The following CBLN2 variants were observed in gnomAD, a reference collection of about 807,000 sequenced individuals.
CBLN2 encodes cerebellin-2.
A neutral mutation model predicts 15.0 loss-of-function variants in CBLN2; 7 were observed. The ratio of observed to expected loss-of-function variants is 0.47; its 90% CI spans 0.27 to 0.88. The LOEUF (loss-of-function observed/expected upper bound fraction) is 0.88, where lower values mean the gene tolerates loss of function less well. CBLN2 is among the 40% of genes least tolerant of loss of function. The pLI is 0.14. For missense variants in CBLN2, 242 were observed against 304.5 expected (o/e 0.79, Z 1.53); for synonymous variants, 149 against 135.2 (o/e 1.10, Z -0.71).
chr18:72,623,242 CA>C (rs1350873815), intron 1 of CBLN2, among the ~76,000 whole-genome samples: 15 of 152,146 alleles, frequency 9.9e-5, no homozygotes, highest in African/African-American at 3.6e-4. Context: ...TACAATTTGA[CA>C]TGAGACTTGG....
At chr18:72,578,571 G>T (rs2144915434) in intron 1 of CBLN2, among the ~76,000 whole-genome samples, 1 of 152,246 alleles carries the variant, frequency 6.6e-6, no homozygotes, top group African/African-American at 2.4e-5. Context: ...GTATGCTTAT[G>T]AAGTTTTGTT....
At chr18:72,577,696 T>C (rs766028493) in intron 1 of CBLN2, among the ~76,000 whole-genome samples, 4 of 152,226 alleles carry the variant, frequency 2.6e-5, no homozygotes, top group Non-Finnish European at 5.9e-5. Context: ...TTGGTGTCCT[T>C]TTATTTCTAA....
chr18:72,541,825 G>A lies in CBLN2; in HGVS notation c.336C>T (p.Thr112=). The part of the protein sequence containing the change: ...NHEPSEMSNR[T]MTIYFDQVLV... ...TGACCTGGTCGAAATAGATGGTCATGGTGCGGTTGCTCATCTCGGACGGCT... is the reference window on the plus strand; with the variant it reads ...TGACCTGGTCGAAATAGATGGTCATAGTGCGGTTGCTCATCTCGGACGGCT... The change falls in exon 3 of 5, where the codon ACC becomes ACT. Residue 112 remains threonine (T), a synonymous_variant. Transcript: ENST00000269503. The A allele has an allele frequency of 1.3e-6, 2 of 1,583,846 alleles. No individual in the cohort carries two copies. Among genetic ancestry groups the A allele is most frequent in the Non-Finnish European group, 1.7e-6 (2 of 1,167,812 alleles).
At chr18:72,567,564 G>C (rs1043729659) in intron 1 of CBLN2, among the ~76,000 whole-genome samples, 1 of 152,196 alleles carries the variant, frequency 6.6e-6, no homozygotes, top group Admixed American at 6.5e-5. Flanking sequence ...TAAAGATACA[G>C]AATATGGAGA....
chr18:72,620,378 C>T (rs1175615472), intron 1 of CBLN2: 32 of 152,280 alleles, frequency 2.1e-4, no homozygotes, highest in Non-Finnish European at 7.3e-5. Context: ...GAAAAAGTGG[C>T]TCTCAGCAGG....
At chr18:72,549,210 C>G (rs1322227211), upstream of CBLN2, among the ~76,000 whole-genome samples, 1 of 152,018 alleles carries the variant, frequency 6.6e-6, no homozygotes, top group Non-Finnish European at 1.5e-5. Context: ...AGGGGTTTCA[C>G]CATGTTGGCC....
chr18:72,538,270 C>T lies in CBLN2; in HGVS notation c.581G>A (p.Arg194Lys). ...AAGTTTGAGATGCACTTTGTCTTCC[C>T]TTTCCATGAGCAGCAGCACGCCATT... Reference protein sequence around the residue: ...ASNGVLLLMEREDKVHLKLER... With the variant: ...ASNGVLLLMEKEDKVHLKLER... The change falls in exon 5 of 5, where the codon AGG becomes AAG. Residue 194 changes from arginine to lysine, a missense_variant. Around this residue, in one of 4 missense-constraint regions of CBLN2, gnomAD observed 31 missense variants for 36.3 expected, o/e 0.86. Transcript: ENST00000269503. 2.5e-6 allele frequency: 4 copies of T among 1,614,144 alleles called. No homozygotes were observed. Among genetic ancestry groups the T allele is most frequent in the African/African-American group, 1.3e-5 (1 of 75,016 alleles).
At chr18:72,568,219 C>T (rs1197808589) in intron 1 of CBLN2, among the ~76,000 whole-genome samples, 2 of 152,136 alleles carry the variant, frequency 1.3e-5, no homozygotes, top group East Asian at 3.9e-4. Context: ...AGGGTTAAAA[C>T]GAATGACCTC....
intron 4 of CBLN2, 34 bp from the exon 5 acceptor site, chr18:72,538,407 A>T: frequency 6.2e-7 from 1 of 1,605,378 alleles, no homozygotes; most frequent in Non-Finnish European, 8.5e-7. Flanking sequence ...AGCAGACCAT[A>T]AAGCACCCAA....
chr18:72,615,195 T>C (rs953606882), intron 1 of CBLN2, among the ~76,000 whole-genome samples: 12 of 135,600 alleles, frequency 8.8e-5, no homozygotes, highest in African/African-American at 3.3e-4. Context: ...TATATATAAA[T>C]ATATATTTAT....
chr18:72,615,154 AG>A (rs1238703731), intron 1 of CBLN2, among the ~76,000 whole-genome samples: 2 of 134,940 alleles, frequency 1.5e-5, no homozygotes, highest in Non-Finnish European at 3.2e-5. Context: ...ATATAAATAT[AG>A]AAAATATATA....
At chr18:72,558,827 G>GAA (rs2069242291) in intron 1 of CBLN2, among the ~76,000 whole-genome samples, 1 of 152,132 alleles carries the variant, frequency 6.6e-6, no homozygotes, top group African/African-American at 2.4e-5. Flanking sequence ...GGATGATGCA[G>GAA]AAGATCACTT....
At chr18:72,573,824 G>A (rs776440831) in intron 1 of CBLN2, among the ~76,000 whole-genome samples, 42 of 152,278 alleles carry the variant, frequency 2.8e-4, no homozygotes, top group Non-Finnish European at 3.8e-4. Context: ...TACAACTGTC[G>A]CATCTTACGG....
intron 1 of CBLN2, among the ~76,000 whole-genome samples, chr18:72,617,137 A>ATTAAGAT (rs1377945827): frequency 1.3e-5 from 2 of 152,178 alleles, no homozygotes; most frequent in Non-Finnish European, 2.9e-5. Flanking sequence ...CACACATCTT[A>ATTAAGAT]ATACATGTTA....
intron 1 of CBLN2, among the ~76,000 whole-genome samples, chr18:72,623,455 A>G (rs184292780): frequency 2.0e-5 from 3 of 152,190 alleles, no homozygotes; most frequent in Middle Eastern, 3.4e-3. Context: ...GACCTTCTCC[A>G]GTTTTTCTCA....
chr18:72,619,890 C>T (rs2069688368), intron 1 of CBLN2, among the ~76,000 whole-genome samples: 4 of 152,334 alleles, frequency 2.6e-5, no homozygotes, highest in African/African-American at 7.2e-5. Flanking sequence ...GTCTAACCCT[C>T]ATGGGAGGCA....
At chr18:72,637,309 T>A (rs142763013) in intron 1 of CBLN2, among the ~76,000 whole-genome samples, 195 of 151,548 alleles carry the variant, frequency 1.3e-3, no homozygotes, top group African/African-American at 4.2e-3. Flanking sequence ...CTCCTACGTA[T>A]TTACATGGTA....
intron 1 of CBLN2, among the ~76,000 whole-genome samples, chr18:72,573,980 T>C (rs1487095249): frequency 1.3e-5 from 2 of 152,340 alleles, no homozygotes; most frequent in South Asian, 2.1e-4. Flanking sequence ...TCGCCATTCT[T>C]ATAAGTGTGT....
intron 1 of CBLN2, among the ~76,000 whole-genome samples, chr18:72,554,530 C>T (rs1186021536): frequency 6.6e-6 from 1 of 151,866 alleles, no homozygotes; most frequent in East Asian, 1.9e-4. Flanking sequence ...AATCATTCCA[C>T]AGTATATACA....
Sources: gnomAD v4.1 joint callset for allele counts (sites outside exome capture counted in the v4.1 genomes callset) on GRCh38, gnomAD v4.1.1 for gene constraint, gnomAD v4.1.1 regional missense constraint, MANE v1.5 for transcripts, NCBI Gene and HGNC (gene_info 2026-07-23, HGNC 2026-07-21) for gene names.